Variants in ABCG2 observed in about 807,000 individuals in gnomAD.
The protein encoded by ABCG2 is broad substrate specificity ATP-binding cassette transporter ABCG2.
In ABCG2, 80 loss-of-function variants were observed where a neutral mutation model predicts 73.5. That is an observed-to-expected ratio of 1.09 (90% CI 0.91 to 1.31). The LOEUF is 1.31. Among genes scored for constraint, ABCG2 ranks in the 50% most tolerant of loss-of-function variants. The pLI, the probability that ABCG2 is intolerant of heterozygous loss-of-function variation, is 0.00. For synonymous variants in ABCG2, 269 were observed against 282.4 expected (o/e 0.95, Z 0.48); for missense variants, 796 against 786.2 (o/e 1.01, Z -0.15).
At chr4:88,152,920 G>C (rs1323433395) in intron 1 of ABCG2, among the ~76,000 whole-genome samples, 1 of 152,024 alleles carries the variant, frequency 6.6e-6, no homozygotes, top group Admixed American at 6.6e-5. Flanking sequence ...TGTGGTAAGG[G>C]GTGATATTGT....
chr4:88,142,744 C>T (rs1367392359), intron 1 of ABCG2, among the ~76,000 whole-genome samples: 1 of 152,056 alleles, frequency 6.6e-6, no homozygotes, highest in Admixed American at 6.6e-5. Context: ...CGCAGGAATT[C>T]GAGGCCAGCC....
intron 1 of ABCG2, among the ~76,000 whole-genome samples, chr4:88,204,969 A>G (rs1729322142): frequency 6.6e-6 from 1 of 152,232 alleles, no homozygotes; most frequent in African/African-American, 2.4e-5. Flanking sequence ...ATGTTTGCAA[A>G]TCCCACAAAA....
intron 7 of ABCG2, among the ~76,000 whole-genome samples, chr4:88,116,988 G>A (rs56069342): frequency 0.14 from 22,044 of 152,080 alleles, 1,745 homozygotes; most frequent in Middle Eastern, 0.24. Context: ...TCTATTGACC[G>A]ATACCCACTC....
intron 1 of ABCG2, among the ~76,000 whole-genome samples, chr4:88,176,943 G>T (rs1728012967): frequency 6.6e-6 from 1 of 151,964 alleles, no homozygotes; most frequent in Non-Finnish European, 1.5e-5. Context: ...CACCATTAAA[G>T]AAGTCAGGTT....
intron 2 of ABCG2, among the ~76,000 whole-genome samples, chr4:88,136,632 A>G (rs1725262040): frequency 6.6e-6 from 1 of 152,190 alleles, no homozygotes; most frequent in Non-Finnish European, 1.5e-5. Flanking sequence ...CTTGAGCCCA[A>G]GAGATTGAGG....
At position 88,101,336 on chromosome 4, in the gene ABCG2, A is replaced by G. The variant is rs773852082; in HGVS notation, c.1278-17T>C. Reference sequence around the variant, plus strand: ...ACCCCAGCTCTGCCATGAAAAGGGGAACCAAATCACCGCAGTCAACTCAGC... The same window carrying G: ...ACCCCAGCTCTGCCATGAAAAGGGGGACCAAATCACCGCAGTCAACTCAGC... On this transcript the variant is annotated splice_polypyrimidine_tract_variant and intron_variant, in intron 10 of 15. Transcript: ENST00000237612. The G allele has an allele frequency of 1.2e-6, 2 of 1,609,302 alleles. No homozygotes were observed. The highest frequency in any genetic ancestry group is 1.7e-6 in the Non-Finnish European group (2 of 1,175,696).
intron 1 of ABCG2, among the ~76,000 whole-genome samples, chr4:88,147,236 G>A (rs1726119466): frequency 6.6e-6 from 1 of 152,180 alleles, no homozygotes; most frequent in Non-Finnish European, 1.5e-5. Flanking sequence ...TGAGGCTGAG[G>A]CAGGAGGATC....
rs1374805897 is a variant in ABCG2, at chr4:88,090,962, T to C, written c.*1272A>G. 2 of 152,214 alleles carry C rather than the reference T, an allele frequency of 1.3e-5. No homozygotes were observed. Among genetic ancestry groups the C allele is most frequent in the Non-Finnish European group, 2.9e-5 (2 of 68,042 alleles). The allele number at this position is 152,214 out of a possible 1,614,324, so 9.4% of individuals were successfully genotyped here. ...ACTTTTCTGTCAATCTAAAATTATT[T>C]CCAAATTAAAAGTTTATTAAAAAGT... On this transcript the variant is annotated 3_prime_UTR_variant, in exon 16 of 16. Transcript: ENST00000237612.
At chr4:88,159,265 C>G (rs1168708908), upstream of ABCG2, 1 of 454,718 alleles carries the variant, frequency 2.2e-6, no homozygotes, top group Non-Finnish European at 4.4e-6. Flanking sequence ...GCACCGGGGA[C>G]GCTGACGCAC....
intron 1 of ABCG2, among the ~76,000 whole-genome samples, chr4:88,213,903 G>T (rs1482920014): frequency 6.7e-6 from 1 of 149,126 alleles, no homozygotes; most frequent in African/African-American, 2.5e-5. Flanking sequence ...GGATGGTCTT[G>T]ATCTCCTGAC....
chr4:88,152,922 T>G (rs549448577), intron 1 of ABCG2, among the ~76,000 whole-genome samples: 80 of 151,716 alleles, frequency 5.3e-4, no homozygotes, highest in African/African-American at 1.5e-3. Flanking sequence ...TGGTAAGGGG[T>G]GATATTGTGG....
chr4:88,101,634 G>A (rs1722428822), intron 10 of ABCG2, among the ~76,000 whole-genome samples: 1 of 152,148 alleles, frequency 6.6e-6, no homozygotes, highest in African/African-American at 2.4e-5. Context: ...CCCTTTGGAA[G>A]GTAATTAGGT....
At chr4:88,124,461 G>C (rs1724244067) in intron 5 of ABCG2, among the ~76,000 whole-genome samples, 1 of 152,184 alleles carries the variant, frequency 6.6e-6, no homozygotes, top group African/African-American at 2.4e-5. Flanking sequence ...TAAAGAGATG[G>C]AGGAAGATCT....
chr4:88,149,071 C>T (rs1256902482), intron 1 of ABCG2, among the ~76,000 whole-genome samples: 1 of 152,064 alleles, frequency 6.6e-6, no homozygotes, highest in African/African-American at 2.4e-5. Flanking sequence ...AAAAATTAGC[C>T]GGGTGTGGTG....
At chr4:88,141,682 C>T (rs1230828703) in intron 1 of ABCG2, among the ~76,000 whole-genome samples, 1 of 152,126 alleles carries the variant, frequency 6.6e-6, no homozygotes, top group African/African-American at 2.4e-5. Flanking sequence ...CATCAGGAAT[C>T]TCTCTGAATC....
intron 1 of ABCG2, among the ~76,000 whole-genome samples, chr4:88,151,926 T>G (rs749376400): frequency 9.9e-5 from 15 of 152,186 alleles, no homozygotes; most frequent in Non-Finnish European, 2.1e-4. Context: ...GGATCCTCTC[T>G]CTAATCCACG....
intron 1 of ABCG2, among the ~76,000 whole-genome samples, chr4:88,180,678 A>G (rs1486787248): frequency 6.6e-6 from 1 of 152,168 alleles, no homozygotes; most frequent in African/African-American, 2.4e-5. Flanking sequence ...ACTTTAGCCC[A>G]GAAAGTATAG....
intron 13 of ABCG2, 72 bp downstream of exon 13, chr4:88,097,381 A>G: frequency 1.3e-6 from 2 of 1,558,640 alleles, no homozygotes; most frequent in South Asian, 2.4e-5. Flanking sequence ...GTTTTACATG[A>G]CAAGTGAATG....
chr4:88,201,081 A>T (rs1560753167), intron 1 of ABCG2, among the ~76,000 whole-genome samples: 1 of 151,972 alleles, frequency 6.6e-6, no homozygotes, highest in Admixed American at 6.6e-5. Flanking sequence ...AATTAAGCAG[A>T]AGAAAAGAAA....
Sources: gnomAD v4.1 joint callset for allele counts (sites outside exome capture counted in the v4.1 genomes callset) on GRCh38, gnomAD v4.1.1 for gene constraint, MANE v1.5 for transcripts, NCBI Gene and HGNC (gene_info 2026-07-23, HGNC 2026-07-21) for gene names.